LIMCH1: variants seen among roughly 807,000 people sequenced by gnomAD.
LIMCH1 encodes LIM and calponin homology domains-containing protein 1.
In LIMCH1, 113 loss-of-function variants were observed where a neutral mutation model predicts 176.5. That is an observed-to-expected ratio of 0.64 (90% CI 0.55 to 0.75). The LOEUF (loss-of-function observed/expected upper bound fraction) is 0.75, where lower values mean the gene tolerates loss of function less well. LIMCH1 is among the 30% of genes least tolerant of loss of function. The pLI is 0.00. For missense variants in LIMCH1, 1,674 were observed against 1,814.9 expected (o/e 0.92, Z 1.41); for synonymous variants, 619 against 645.9 (o/e 0.96, Z 0.63).
At chr4:41,653,883 A>G (rs2094386099) in intron 18 of LIMCH1, among the ~76,000 whole-genome samples, 1 of 152,246 alleles carries the variant, frequency 6.6e-6, no homozygotes, top group African/African-American at 2.4e-5. Flanking sequence ...ATTTTAAAAA[A>G]TGCTTTGTCT....
rs185446478 is a variant in LIMCH1, at chr4:41,418,462, T to C, written c.96+57526T>C. Among the ~76,000 whole-genome samples the C allele has an allele frequency of 1.5e-3, 222 of 152,274 alleles. 1 individual carries two copies. Among genetic ancestry groups the C allele is most frequent in the African/African-American group, 5.0e-3 (208 of 41,560 alleles). On this transcript the variant is annotated intron_variant, in intron 1 of 26. Transcript: ENST00000313860. ...GACTATAAAAAAGTCCAGGTTTGCG[T>C]TGGGAGTCCATCACTAAGTGTTTAT...
intron 1 of LIMCH1, among the ~76,000 whole-genome samples, chr4:41,416,718 T>TAC (rs756659882): frequency 1.3e-4 from 19 of 151,650 alleles, no homozygotes; most frequent in Admixed American, 6.6e-5. Flanking sequence ...TCACTGATGC[T>TAC]ACACACACAC....
chr4:41,561,323 G>C (rs1354431096), intron 1 of LIMCH1, among the ~76,000 whole-genome samples: 1 of 152,094 alleles, frequency 6.6e-6, no homozygotes, highest in Non-Finnish European at 1.5e-5. Flanking sequence ...GAACTGCATG[G>C]ATTTTTCTGT....
At chr4:41,654,547 A>G (rs1007099028) in intron 18 of LIMCH1, among the ~76,000 whole-genome samples, 1 of 152,158 alleles carries the variant, frequency 6.6e-6, no homozygotes, top group African/African-American at 2.4e-5. Context: ...TCTGTACTAG[A>G]TGGTGGAGTA....
chr4:41,623,410 C>G (rs2092719392), intron 7 of LIMCH1, among the ~76,000 whole-genome samples: 1 of 152,132 alleles, frequency 6.6e-6, no homozygotes, highest in African/African-American at 2.4e-5. Context: ...AGATGAACAA[C>G]AAAGCTTTAT....
In LIMCH1 at chr4:41,633,813, G is replaced by GA. The variant is rs1332866720; in HGVS notation, c.2090+8dup. Reference sequence around the variant, plus strand: ...TCTACCCATGAAAGATCAGAGGTCAGAAAGTTATTCTGTGCCCTTGTGACT... The same window carrying GA: ...TCTACCCATGAAAGATCAGAGGTCAGAAAAGTTATTCTGTGCCCTTGTGACT... On this transcript the variant is annotated splice_donor_region_variant and intron_variant, in intron 13 of 31. Coordinates refer to ENST00000503057, the MANE Select transcript of LIMCH1 (RefSeq NM_001330672.2). 1 of 1,535,244 alleles carries GA rather than the reference G, an allele frequency of 6.5e-7. No homozygotes were observed. The highest frequency in any genetic ancestry group is 2.0e-5 in the Admixed American group (1 of 50,988).
At chr4:41,692,197 G>A (rs1361687446) in intron 30 of LIMCH1, 85 bp from the exon 31 acceptor site, 1 of 807,236 alleles carries the variant, frequency 1.2e-6, no homozygotes, top group South Asian at 1.4e-5. Context: ...AGGGATTATT[G>A]TGCTATTCAC....
chr4:41,681,107 G>T (rs369067306), intron 25 of LIMCH1, 48 bp downstream of exon 25: 11 of 1,188,134 alleles, frequency 9.3e-6, no homozygotes, highest in Non-Finnish European at 1.4e-5. Context: ...AAACCTAAAT[G>T]GAAGTACCAA....
chr4:41,463,585 TA>T (rs2065687745), intron 1 of LIMCH1, among the ~76,000 whole-genome samples: 1 of 151,828 alleles, frequency 6.6e-6, no homozygotes, highest in African/African-American at 2.4e-5. Context: ...TTTTAACTTT[TA>T]TTTTTTGAGA....
chr4:41,476,357 A>G (rs1013421007), intron 1 of LIMCH1, among the ~76,000 whole-genome samples: 8 of 152,216 alleles, frequency 5.3e-5, no homozygotes, highest in Non-Finnish European at 2.9e-5. Context: ...GTTCTTGGTA[A>G]TACCCTGGAG....
At chr4:41,629,388 C>A in intron 8 of LIMCH1, 104 bp from the exon 9 acceptor site, 2 of 1,317,014 alleles carry the variant, frequency 1.5e-6, no homozygotes, top group Non-Finnish European at 1.0e-6. Context: ...TCATTTTGTT[C>A]TGTCCTCAGC....
At chr4:41,671,683 G>T in intron 22 of LIMCH1, 89 bp downstream of exon 22, 1 of 1,030,362 alleles carries the variant, frequency 9.7e-7, no homozygotes, top group Non-Finnish European at 1.5e-6. Flanking sequence ...TTCAGGCCGG[G>T]TGCAGGCGGT....
chr4:41,568,772 T>G (rs772330898), intron 1 of LIMCH1, among the ~76,000 whole-genome samples: 46 of 152,246 alleles, frequency 3.0e-4, no homozygotes, highest in Admixed American at 1.6e-3. Context: ...TGCTTGACTT[T>G]GAAATTGATT....
chr4:41,415,716 G>A (rs985069043), intron 1 of LIMCH1, among the ~76,000 whole-genome samples: 3 of 152,300 alleles, frequency 2.0e-5, no homozygotes, highest in South Asian at 2.1e-4. Flanking sequence ...GGTGGCTCAC[G>A]CCTGTAATCC....
chr4:41,486,015 A>G (rs1360824191), intron 1 of LIMCH1, among the ~76,000 whole-genome samples: 2 of 152,218 alleles, frequency 1.3e-5, no homozygotes, highest in African/African-American at 2.4e-5. Flanking sequence ...GAGGTCAAGC[A>G]TAACTCTTAA....
In LIMCH1 at chr4:41,538,303, C is replaced by T. The variant is rs543214180; in HGVS notation, c.-288C>T. The T allele has an allele frequency of 3.0e-6, 3 of 985,426 alleles. No individual in the cohort carries two copies. The highest frequency in any genetic ancestry group is 9.4e-5 in the South Asian group (2 of 21,290). 61.0% of individuals were successfully genotyped at this position (985,426 alleles called of 1,614,324 possible). On this transcript the variant is annotated 5_prime_UTR_variant, in exon 1 of 32. Coordinates refer to ENST00000503057, the MANE Select transcript of LIMCH1 (RefSeq NM_001330672.2). ...CAGGAGAGATGCCCCTCCCATCTCC[C>T]AGAGTGGGTTGGCTGGAGTTCATTG...
At chr4:41,628,673 AC>A (rs1373250542) in intron 8 of LIMCH1, among the ~76,000 whole-genome samples, 1 of 152,166 alleles carries the variant, frequency 6.6e-6, no homozygotes, top group Non-Finnish European at 1.5e-5. Context: ...TTAGAAATAG[AC>A]TTTTAATGGA....
Position 41,633,680 on chromosome 4 carries a change from G to C in LIMCH1, c.1962G>C (p.Met654Ile), listed in dbSNP as rs1182633914. The change falls in exon 13 of 32, where the codon ATG becomes ATC. Residue 654 changes from methionine to isoleucine, a missense_variant. Met to Ile is a conservative substitution (Grantham distance 10, BLOSUM62 1). Coordinates refer to ENST00000503057, the MANE Select transcript of LIMCH1 (RefSeq NM_001330672.2). Reference protein sequence around the residue: ...RKLDDSRKDDMMARRTGMSLR... With the variant: ...RKLDDSRKDDIMARRTGMSLR... ...TGGATGATTCACGAAAAGATGACAT[G>C]ATGGCCAGGAGAACTGGGATGTCCC... 2.6e-6 allele frequency: 4 copies of C among 1,536,060 alleles called. No homozygotes were observed. The highest frequency in any genetic ancestry group is 3.5e-6 in the Non-Finnish European group (4 of 1,146,928).
At chr4:41,655,839 C>T (rs2094448905) in intron 18 of LIMCH1, among the ~76,000 whole-genome samples, 1 of 152,068 alleles carries the variant, frequency 6.6e-6, no homozygotes, top group African/African-American at 2.4e-5. Context: ...CTTCCTGCAG[C>T]TCTTTTTGCC....
Sources: gnomAD v4.1 joint callset for allele counts (sites outside exome capture counted in the v4.1 genomes callset) on GRCh38, gnomAD v4.1.1 for gene constraint, MANE v1.5 for transcripts, NCBI Gene and HGNC (gene_info 2026-07-23, HGNC 2026-07-21) for gene names.